PSIP1: variants seen among roughly 807,000 people sequenced by gnomAD.
PSIP1 encodes the protein PC4 and SRSF1 interacting protein 1, also known as PC4 and SFRS1-interacting protein.
PSIP1 carries 19 observed loss-of-function variants against 74.7 expected under a neutral mutation model. The observed-to-expected ratio is 0.25, with a 90% CI of 0.18 to 0.37. The LOEUF (loss-of-function observed/expected upper bound fraction) is 0.37. Ranked by LOEUF, PSIP1 falls within the 10% of genes least tolerant of loss-of-function variation. PSIP1 has a pLI of 1.00. For missense variants in PSIP1, 601 were observed against 614.3 expected, an observed-to-expected ratio of 0.98 and a Z score of 0.23; for synonymous variants, 222 against 195.3, an observed-to-expected ratio of 1.14 and a Z score of -1.14.
In PSIP1 at chr9:15,510,247, G is replaced by A. The variant is rs957909180; in HGVS notation, c.-59C>T. ...GGAGGCGGCGAGGAGATGCGGCGGC[G>A]CGGGGATGCGGGCGGCGGACGCGGG... On this transcript the variant is annotated 5_prime_UTR_variant, in exon 2 of 16. Coordinates refer to ENST00000380733, the MANE Select transcript of PSIP1 (RefSeq NM_033222.5). 2.6e-6 allele frequency: 4 copies of A among 1,526,874 alleles called. No individual in the cohort carries two copies. The South Asian group carries it at 3.5e-5, about 13-fold the overall frequency. 94.6% of individuals were successfully genotyped at this position (1,526,874 alleles called of 1,614,324 possible). A position where few individuals can be genotyped will look rare whatever the true frequency, so the allele number is the denominator to read the frequency against.
At position 15,468,801 on chromosome 9, in the gene PSIP1, T is replaced by C; in HGVS notation, c.1249A>G (p.Thr417Ala). Residue 417 changes from threonine (T) to alanine (A), a missense_variant, in exon 14 of 16, where the codon ACA becomes GCA. This residue lies in a region of PSIP1 where 538 missense variants were observed against 507.6 expected (regional missense o/e 1.06). Coordinates refer to ENST00000380733, the MANE Select transcript of PSIP1 (RefSeq NM_033222.5). ...KVSQVIMEKS[T>A]MLYNKFKNMF... is the part of the protein sequence containing the mutation. Reference sequence around the variant, plus strand: ...TTCTTAAACTTGTTATACAACATTGTAGACTTTTCCATGATTACCTGACTA... The same window carrying C: ...TTCTTAAACTTGTTATACAACATTGCAGACTTTTCCATGATTACCTGACTA... 2 of 1,614,050 alleles carry C rather than the reference T, an allele frequency of 1.2e-6. No individual in the cohort carries two copies. The highest frequency in any genetic ancestry group is 1.7e-6 in the Non-Finnish European group (2 of 1,179,916).
chr9:15,474,847 T>C (rs1355449160), intron 8 of PSIP1, among the ~76,000 whole-genome samples: 1 of 152,204 alleles, frequency 6.6e-6, no homozygotes, highest in Non-Finnish European at 1.5e-5. Context: ...TCTAAAGCAA[T>C]TCTTTTACAA....
intron 2 of PSIP1, 32 bp downstream of exon 2, chr9:15,510,085 A>G: frequency 6.3e-7 from 1 of 1,589,334 alleles, no homozygotes. Flanking sequence ...GGAGGGTAGC[A>G]CTGCTAAGCG....
intron 6 of PSIP1, among the ~76,000 whole-genome samples, chr9:15,480,064 C>T (rs986742177): frequency 6.6e-6 from 1 of 152,170 alleles, no homozygotes; most frequent in African/African-American, 2.4e-5. Context: ...TAACAGTTCT[C>T]CTTTAGGAGT....
At chr9:15,469,181 T>G in intron 12 of PSIP1, 85 bp downstream of exon 12, 2 of 1,325,852 alleles carry the variant, frequency 1.5e-6, no homozygotes, top group Non-Finnish European at 2.1e-6. Context: ...TCCCTTAAAT[T>G]TACATACTCA....
intron 6 of PSIP1, among the ~76,000 whole-genome samples, chr9:15,484,230 G>A (rs563934464): frequency 6.6e-6 from 1 of 151,568 alleles, no homozygotes; most frequent in African/African-American, 2.4e-5. Flanking sequence ...AGTGCTTTGG[G>A]AGGATCACCG....
chr9:15,478,974 G>C (rs1266323288), intron 7 of PSIP1, among the ~76,000 whole-genome samples: 1 of 151,816 alleles, frequency 6.6e-6, no homozygotes, highest in African/African-American at 2.4e-5. Context: ...TTTATCCACT[G>C]CAATATTAAA....
chr9:15,479,750 T>C, intron 6 of PSIP1, 63 bp from the exon 7 acceptor site: 1 of 1,298,928 alleles, frequency 7.7e-7, no homozygotes, highest in Non-Finnish European at 1.1e-6. Flanking sequence ...TTTAATTCGA[T>C]GGCAAAAATA....
In PSIP1 at chr9:15,484,748, C is replaced by CA. The variant is rs569178575; in HGVS notation, c.456+1257dup. Among the ~76,000 whole-genome samples, 121 of 149,796 alleles carry CA rather than the reference C, an allele frequency of 8.1e-4. 2 individuals are homozygous for CA. The South Asian group carries it at 0.025, about 31-fold the overall frequency. On this transcript the variant is annotated intron_variant, in intron 6 of 15. Transcript: ENST00000380733. ...TCTCAAAACAAAAACAAAAACAAAA[C>CA]AAAAAAATACAAAAATTAGCTGGGC...
chr9:15,470,456 C>A (rs1021340133), intron 10 of PSIP1, among the ~76,000 whole-genome samples: 5 of 152,030 alleles, frequency 3.3e-5, no homozygotes, highest in Admixed American at 1.3e-4. Context: ...GCCAATTCAT[C>A]AAACTTGAAT....
rs1200150858 is a variant in PSIP1, at chr9:15,464,159, C to CCAAA, written c.*1357_*1360dup. ...TAAGTAAGTTAAAACTGTATAAGGA[C>CCAAA]CAAACAGATAATGACTGGTATATAT... On this transcript the variant is annotated 3_prime_UTR_variant, in exon 16 of 16. Coordinates refer to ENST00000380733, the MANE Select transcript of PSIP1 (RefSeq NM_033222.5). 6.5e-5 allele frequency: 12 copies of CCAAA among 185,626 alleles called. No homozygotes were observed. The highest frequency in any genetic ancestry group is 1.1e-4 in the Non-Finnish European group (10 of 87,550). The allele number at this position is 185,626 out of a possible 1,614,324, so 11.5% of individuals were successfully genotyped here.
Position 15,472,613 on chromosome 9 carries a change from GAAAA to G in PSIP1, c.977+15_977+18del. 2.5e-6 allele frequency: 3 copies of G among 1,208,452 alleles called. No individual in the cohort carries two copies. Among genetic ancestry groups the G allele is most frequent in the Non-Finnish European group, 3.4e-6 (3 of 895,486 alleles). The allele number at this position is 1,208,452 out of a possible 1,614,324, so 74.9% of individuals were successfully genotyped here. On this transcript the variant is annotated intron_variant, in intron 10 of 15. Transcript: ENST00000380733. ...GCCTTTAAAAAGAACCCAAAATTTA[GAAAA>G]AAAAAAATACTTACTGCTCAGTTTC...
chr9:15,480,788 C>T (rs1439104526), intron 6 of PSIP1, among the ~76,000 whole-genome samples: 6 of 152,032 alleles, frequency 3.9e-5, no homozygotes, highest in East Asian at 1.9e-4. Context: ...AGGCTTGTGG[C>T]GCACACCTAT....
intron 3 of PSIP1, among the ~76,000 whole-genome samples, chr9:15,491,123 C>T (rs565840016): frequency 6.6e-6 from 1 of 152,192 alleles, no homozygotes; most frequent in African/African-American, 2.4e-5. Flanking sequence ...TTATTTAATA[C>T]AGACTGCTAA....
chr9:15,483,646 G>C (rs2036432818), intron 6 of PSIP1, among the ~76,000 whole-genome samples: 1 of 152,112 alleles, frequency 6.6e-6, no homozygotes. Flanking sequence ...GCCAAGTCCA[G>C]TAAAGTTAGT....
rs139140994 is a variant in PSIP1, at chr9:15,482,248, C to T, written c.457-2561G>A. Among the ~76,000 whole-genome samples, 11 of 152,154 alleles carry T rather than the reference C, an allele frequency of 7.2e-5. No individual in the cohort carries two copies. In the East Asian group the frequency reaches 1.9e-3, roughly 27 times the overall value. Reference sequence around the variant, plus strand: ...AAGAGAGGTTACTATACAATTCTACCTTCTCTGTTCTATTATTCCCAGCTG... The same window carrying T: ...AAGAGAGGTTACTATACAATTCTACTTTCTCTGTTCTATTATTCCCAGCTG... On this transcript the variant is annotated intron_variant, in intron 6 of 15. Transcript: ENST00000380733.
chr9:15,498,616 C>G (rs2132193379), intron 3 of PSIP1, among the ~76,000 whole-genome samples: 1 of 152,256 alleles, frequency 6.6e-6, no homozygotes, highest in African/African-American at 2.4e-5. Context: ...CAACCTTGTG[C>G]AGCTGTGGTT....
chr9:15,465,506 C>T lies in PSIP1; in HGVS notation c.*14G>A, dbSNP rs770406689. ...AAACTTCTCAAGTGTTCTCTATATT[C>T]CAGGTATGTCAACCTAGTTATCTAG... On this transcript the variant is annotated 3_prime_UTR_variant, in exon 16 of 16. Transcript: ENST00000380733. 6.5e-7 allele frequency: 1 copy of T among 1,527,534 alleles called. No homozygotes were observed. The highest frequency in any genetic ancestry group is 1.2e-5 in the South Asian group (1 of 85,412). 94.6% of individuals were successfully genotyped at this position (1,527,534 alleles called of 1,614,324 possible). A position where few individuals can be genotyped will look rare whatever the true frequency, so the allele number is the denominator to read the frequency against.
intron 15 of PSIP1, among the ~76,000 whole-genome samples, chr9:15,466,297 T>TA (rs1449086389): frequency 6.6e-6 from 1 of 152,246 alleles, no homozygotes; most frequent in African/African-American, 2.4e-5. Context: ...GAGAATCGCT[T>TA]GAACCCAGGA....
Sources: allele counts gnomAD v4.1 joint callset (sites outside exome capture counted in the v4.1 genomes callset), GRCh38; gene constraint gnomAD v4.1.1; regional missense constraint gnomAD v4.1.1; transcripts MANE v1.5; gene names NCBI Gene and HGNC (gene_info 2026-07-23, HGNC 2026-07-21).